Variants in APC observed in about 807,000 individuals in gnomAD.
APC encodes adenomatous polyposis coli protein.
In APC, 72 loss-of-function variants were observed where a neutral mutation model predicts 247.0. The observed-to-expected ratio is 0.29, with a 90% CI of 0.24 to 0.35. APC has a LOEUF of 0.35. APC is among the 10% of genes least tolerant of loss of function. The pLI is 1.00. For missense variants in APC, 3,400 were observed against 3,360.7 expected, an observed-to-expected ratio of 1.01 and a Z score of -0.29; for synonymous variants, 1,254 against 1,162.5, an observed-to-expected ratio of 1.08 and a Z score of -1.60.
intron 1 of APC, among the ~76,000 whole-genome samples, chr5:112,719,342 C>T (rs1252249977): frequency 2.0e-5 from 3 of 151,726 alleles, no homozygotes; most frequent in Admixed American, 1.3e-4. Context: ...CTCAGCCCTC[C>T]GAGTAGCTGG....
At chr5:112,759,356 C>CTTTTTTTTTTTTTTT (rs887438895) in intron 2 of APC, among the ~76,000 whole-genome samples, 9 of 122,336 alleles carry the variant, frequency 7.4e-5, no homozygotes, top group African/African-American at 9.8e-5. Context: ...TTCTTTCTTT[C>CTTTTTTTTTTTTTTT]TTTTTTTTTT....
At position 112,707,799 on chromosome 5, in the gene APC, G is replaced by A. The variant is rs1297745273; in HGVS notation, c.82G>A (p.Gly28Ser). The A allele has an allele frequency of 2.9e-6, 4 of 1,370,596 alleles. No homozygotes were observed. Among genetic ancestry groups the A allele is most frequent in the East Asian group, 3.4e-5 (1 of 29,416 alleles). 84.9% of individuals were successfully genotyped at this position (1,370,596 alleles called of 1,614,324 possible). The change falls in exon 1 of 14, where the codon GGC (glycine) becomes AGC (serine). Residue 28 changes from glycine (G) to serine (S), a missense_variant. Physicochemically the swap from Gly to Ser is moderately conservative, Grantham distance 56. Transcript: ENST00000507379. ...CTCAGTTCTCGGGTCCTGGAGCACCGGCGGCAGCAGGAGCTGCGTCCGGCA... is the reference window on the plus strand; with the variant it reads ...CTCAGTTCTCGGGTCCTGGAGCACCAGCGGCAGCAGGAGCTGCGTCCGGCA...
Position 112,843,055 on chromosome 5 carries a change from C to T in APC, c.7461C>T (p.Ser2487=). The T allele has an allele frequency of 6.2e-7, 1 of 1,613,904 alleles. No homozygotes were observed. Among genetic ancestry groups the T allele is most frequent in the Non-Finnish European group, 8.5e-7 (1 of 1,179,810 alleles). ...SQAQTPVLSP[S]LPDMSLSTHS... ...CACAAACTCCAGTTTTAAGTCCTTC[C>T]CTTCCTGATATGTCTCTATCCACAC... Residue 2487 remains serine (S), a synonymous_variant, in exon 16 of 16, where the codon TCC becomes TCT. Transcript: ENST00000257430. This position sits in a 1 kb window ranked among gnomAD's most constrained non-coding sequence, Gnocchi z 4.8.
Position 112,842,056 on chromosome 5 carries a change from A to G in APC, c.6462A>G (p.Gln2154=), listed in dbSNP as rs1481949884. 3 of 1,613,198 alleles carry G rather than the reference A, an allele frequency of 1.9e-6. No individual in the cohort carries two copies. The highest frequency in any genetic ancestry group is 2.2e-5 in the East Asian group (1 of 44,872). Residue 2154 remains glutamine (Q), a synonymous_variant, in exon 16 of 16, where the codon CAA becomes CAG. Coordinates refer to ENST00000257430, the MANE Select transcript of APC (RefSeq NM_000038.6). ...LGSPFHLTPD[Q]EEKPFTSNKG... is the part of the protein sequence containing the mutation. The stretch of plus-strand genomic sequence containing the variant: ...CACCATTTCATCTTACACCTGATCA[A>G]GAAGAAAAACCCTTTACAAGTAATA...
At chr5:112,769,530 C>T (rs1374615908) in intron 4 of APC, among the ~76,000 whole-genome samples, 2 of 152,002 alleles carry the variant, frequency 1.3e-5, no homozygotes, top group African/African-American at 4.8e-5. Flanking sequence ...TGTTTTATGT[C>T]CCCTAAAAGA....
intron 1 of APC, among the ~76,000 whole-genome samples, chr5:112,745,644 A>G (rs1644241): frequency 0.076 from 11,505 of 151,584 alleles, 477 homozygotes; most frequent in Middle Eastern, 0.14. Flanking sequence ...GCTCACAGCA[A>G]CCTCCACCTC....
At position 112,792,515 on chromosome 5, in the gene APC, G is replaced by A. The variant is rs777760565; in HGVS notation, c.715G>A (p.Ala239Thr). 1 of 1,612,268 alleles carries A rather than the reference G, an allele frequency of 6.2e-7. No individual in the cohort carries two copies. The highest frequency in any genetic ancestry group is 8.5e-7 in the Non-Finnish European group (1 of 1,178,942). The change falls in exon 7 of 16, where the codon GCA becomes ACA. Residue 239 changes from alanine to threonine, a missense_variant. Coordinates refer to ENST00000257430, the MANE Select transcript of APC (RefSeq NM_000038.6). Reference sequence around the variant, plus strand: ...TATACGACAGCTTTTACAGTCCCAAGCAACAGAAGCAGAGGTTAGTAAATT... The same window carrying A: ...TATACGACAGCTTTTACAGTCCCAAACAACAGAAGCAGAGGTTAGTAAATT... ...LRIRQLLQSQ[A>T]TEAERSSQNK...
chr5:112,738,449 A>G, intron 1 of APC: 1 of 985,924 alleles, frequency 1.0e-6, no homozygotes, highest in Non-Finnish European at 1.2e-6. Flanking sequence ...TGAGAGAAAG[A>G]GGAGGAGGCA....
At chr5:112,723,149 A>G (rs1240089179) in intron 1 of APC, among the ~76,000 whole-genome samples, 2 of 151,876 alleles carry the variant, frequency 1.3e-5, no homozygotes, top group African/African-American at 4.8e-5. Context: ...ATTATTAAAA[A>G]AAAAGAGGAC....
upstream of APC, among the ~76,000 whole-genome samples, chr5:112,734,104 G>A (rs1330598181): frequency 6.6e-6 from 1 of 152,158 alleles, no homozygotes; most frequent in African/African-American, 2.4e-5. Context: ...AAGGCAGGAG[G>A]ATCACCTGAG....
chr5:112,786,885 T>C (rs1037382908), intron 6 of APC, among the ~76,000 whole-genome samples: 2 of 136,354 alleles, frequency 1.5e-5, no homozygotes, highest in Admixed American at 8.7e-5. Flanking sequence ...TTTTTCTTTT[T>C]CTTTTTTTTT....
chr5:112,722,048 GA>G (rs1751510508), intron 1 of APC, among the ~76,000 whole-genome samples: 1 of 151,996 alleles, frequency 6.6e-6, no homozygotes, highest in South Asian at 2.1e-4. Flanking sequence ...GATGTGAGAG[GA>G]AAAAAAGACC....
At chr5:112,737,096 A>G (rs2464810), upstream of APC, among the ~76,000 whole-genome samples, 13,103 of 152,294 alleles carry the variant, frequency 0.086, 616 homozygotes, top group Middle Eastern at 0.14. Flanking sequence ...ATTTAAATGC[A>G]ATGTAGAATT....
chr5:112,709,952 A>AT (rs764625998), intron 1 of APC, among the ~76,000 whole-genome samples: 1 of 151,964 alleles, frequency 6.6e-6, no homozygotes, highest in Non-Finnish European at 1.5e-5. Context: ...GGAATTTGGT[A>AT]TTTTTTCCTT....
intron 14 of APC, among the ~76,000 whole-genome samples, chr5:112,831,441 T>C (rs539812252): frequency 6.6e-6 from 1 of 152,374 alleles, no homozygotes; most frequent in Middle Eastern, 3.4e-3. Context: ...ATTTATAATA[T>C]CCAGTTCTGA....
intron 4 of APC, among the ~76,000 whole-genome samples, chr5:112,774,111 A>C (rs1408870374): frequency 2.0e-5 from 3 of 152,206 alleles, no homozygotes; most frequent in Non-Finnish European, 4.4e-5. Flanking sequence ...AGCATTGTTT[A>C]TAATAACAAA....
intron 15 of APC, among the ~76,000 whole-genome samples, chr5:112,836,405 T>C (rs1325740465): frequency 6.6e-6 from 1 of 152,162 alleles, no homozygotes; most frequent in African/African-American, 2.4e-5. Flanking sequence ...TAGTCTCCCT[T>C]TCTGCTATAC....
rs1766368729 is a variant in APC, at chr5:112,842,667, C to T, written c.7073C>T (p.Ser2358Phe). The T allele has an allele frequency of 6.2e-7, 1 of 1,613,580 alleles. No homozygotes were observed. Among genetic ancestry groups the T allele is most frequent in the Admixed American group, 1.7e-5 (1 of 59,996 alleles). Residue 2358 changes from serine to phenylalanine, a missense_variant, in exon 16 of 16, where the codon TCC becomes TTC. Around this residue, in one of 9 missense-constraint regions of APC, gnomAD observed 1,788 missense variants for 1,649.5 expected, o/e 1.08. Transcript: ENST00000257430. ...TSSPSTASTKSSGSGKMSYTS... is the reference protein window; with the variant it reads ...TSSPSTASTKFSGSGKMSYTS... ...TCCCCTAGTACTGCTTCAACTAAGT[C>T]CTCAGGTTCTGGAAAAATGTCATAT...
intron 10 of APC, 143 bp from the exon 11 acceptor site, chr5:112,821,753 C>T (rs1763150268): frequency 1.5e-6 from 1 of 669,468 alleles, no homozygotes; most frequent in African/African-American, 1.8e-5. Context: ...ATTTATTCAT[C>T]CTTTCAGCAA....
Sources: allele counts gnomAD v4.1 joint callset (sites outside exome capture counted in the v4.1 genomes callset), GRCh38; gene constraint gnomAD v4.1.1; regional missense constraint gnomAD v4.1.1; non-coding constraint Gnocchi (gnomAD v3.1); transcripts MANE v1.5; gene names NCBI Gene and HGNC (gene_info 2026-07-23, HGNC 2026-07-21).